The following UNC13C variants were observed in gnomAD, a reference collection of about 807,000 sequenced individuals.
The protein encoded by UNC13C is protein unc-13 homolog C.
UNC13C carries 174 observed loss-of-function variants against 245.4 expected under a neutral mutation model. The ratio of observed to expected loss-of-function variants is 0.71; its 90% CI spans 0.63 to 0.80. The LOEUF is 0.80. Ranked by LOEUF, UNC13C falls within the 30% of genes least tolerant of loss-of-function variation. The pLI, the probability that UNC13C is intolerant of heterozygous loss-of-function variation, is 0.00. For missense variants in UNC13C, 2,829 were observed against 2,602.9 expected, an observed-to-expected ratio of 1.09 and a Z score of -1.89; for synonymous variants, 992 against 895.1, an observed-to-expected ratio of 1.11 and a Z score of -1.93.
chr15:54,486,306 G>A (rs1476050341), intron 19 of UNC13C, among the ~76,000 whole-genome samples: 1 of 143,306 alleles, frequency 7.0e-6, no homozygotes, highest in Non-Finnish European at 1.6e-5. Context: ...GTGTGGTGGC[G>A]GGCGCTTGTA....
the UNC13C span, among the ~76,000 whole-genome samples, chr15:53,902,788 T>C: frequency 2.6e-5 from 4 of 152,084 alleles, no homozygotes; most frequent in East Asian, 3.8e-4. Flanking sequence ...GCTTGGTGAG[T>C]ACTGCATCAA....
chr15:54,116,044 C>T (rs2030220735), intron 2 of UNC13C, among the ~76,000 whole-genome samples: 1 of 152,078 alleles, frequency 6.6e-6, no homozygotes, highest in African/African-American at 2.4e-5. Context: ...CCATCCACAT[C>T]ATTTTAATTA....
chr15:53,915,331 C>A, the UNC13C span, among the ~76,000 whole-genome samples: 2 of 152,162 alleles, frequency 1.3e-5, no homozygotes, highest in Non-Finnish European at 2.9e-5. Flanking sequence ...AAAAGAGAAT[C>A]TTTTAAATGA....
intron 1 of UNC13C, among the ~76,000 whole-genome samples, chr15:53,991,058 T>C (rs1894365310): frequency 1.3e-5 from 2 of 152,160 alleles, no homozygotes; most frequent in Admixed American, 1.3e-4. Context: ...TCATGTATTT[T>C]ATCTACTGGG....
chr15:54,186,836 A>ATATAT (rs1567079825), intron 4 of UNC13C, among the ~76,000 whole-genome samples: 2 of 126,170 alleles, frequency 1.6e-5, no homozygotes, highest in Non-Finnish European at 1.7e-5. Flanking sequence ...CAAAGAACAT[A>ATATAT]ATATATATGT....
intron 17 of UNC13C, among the ~76,000 whole-genome samples, chr15:54,353,919 G>A (rs1361071085): frequency 6.6e-6 from 1 of 152,150 alleles, no homozygotes; most frequent in Non-Finnish European, 1.5e-5. Flanking sequence ...GTTGTCTCCA[G>A]GCCAGGATGA....
the UNC13C span, among the ~76,000 whole-genome samples, chr15:53,963,531 C>T: frequency 7.2e-5 from 11 of 152,084 alleles, 1 homozygote; most frequent in East Asian, 3.9e-4. Flanking sequence ...GGACAATACA[C>T]GTGTAAAGGA....
chr15:54,236,933 C>T (rs1429973471), intron 6 of UNC13C, among the ~76,000 whole-genome samples: 1 of 152,108 alleles, frequency 6.6e-6, no homozygotes, highest in Non-Finnish European at 1.5e-5. Context: ...TGATTTCCAA[C>T]GTTCTCCATA....
chr15:54,270,541 A>G (rs62011967), intron 10 of UNC13C, among the ~76,000 whole-genome samples: 8,038 of 152,264 alleles, frequency 0.053, 240 homozygotes, highest in Admixed American at 0.085. Context: ...TAGCATTAAT[A>G]ACATGATTAT....
intron 10 of UNC13C, among the ~76,000 whole-genome samples, chr15:54,284,684 C>T (rs904125061): frequency 3.9e-5 from 6 of 152,114 alleles, no homozygotes; most frequent in Non-Finnish European, 7.4e-5. Context: ...TCTGCCTGTT[C>T]GCTGATATCT....
intron 4 of UNC13C, among the ~76,000 whole-genome samples, chr15:54,172,030 T>G (rs111262635): frequency 2.0e-5 from 3 of 152,172 alleles, no homozygotes; most frequent in Admixed American, 6.5e-5. Context: ...TTACATGTTC[T>G]CACTTATTTG....
In UNC13C at chr15:54,602,232, C is replaced by T. The variant is rs115094211; in HGVS notation, c.6107-20095C>T. On this transcript the variant is annotated intron_variant, in intron 30 of 32. Coordinates refer to ENST00000260323, the MANE Select transcript of UNC13C (RefSeq NM_001080534.3). The stretch of plus-strand genomic sequence containing the variant: ...GAGGTAGAAGGGGATAACTTTATTT[C>T]GGAAACAATTTAATTACCCTAGTAG... Among the ~76,000 whole-genome samples, 309 of 152,286 alleles carry T rather than the reference C, an allele frequency of 2.0e-3. 4 individuals carry two copies. The highest frequency in any genetic ancestry group is 7.0e-3 in the African/African-American group (289 of 41,544).
At chr15:54,403,384 T>C (rs2040227554) in intron 18 of UNC13C, among the ~76,000 whole-genome samples, 1 of 151,904 alleles carries the variant, frequency 6.6e-6, no homozygotes, top group African/African-American at 2.4e-5. Context: ...TCAGCCTGGG[T>C]GACAGAGCAA....
chr15:54,030,134 A>G lies in UNC13C; in HGVS notation c.2983+14248A>G, dbSNP rs373243223. On this transcript the variant is annotated intron_variant, in intron 2 of 32. Coordinates refer to ENST00000260323, the MANE Select transcript of UNC13C (RefSeq NM_001080534.3). ...TAGGCTTTTTCTCCACCTCTACCTC[A>G]TTCTCCCTGCCCCTCTTCCTGCTTC... Among the ~76,000 whole-genome samples the G allele has an allele frequency of 9.9e-5, 15 of 151,860 alleles. No homozygotes were observed. In the South Asian group the frequency reaches 2.9e-3, roughly 29 times the overall value.
intron 19 of UNC13C, among the ~76,000 whole-genome samples, chr15:54,436,834 GAAAAT>G (rs1412697459): frequency 6.6e-6 from 1 of 151,264 alleles, no homozygotes; most frequent in Non-Finnish European, 1.5e-5. Context: ...GTAAAATTAA[GAAAAT>G]AAAAAGAAAA....
At chr15:54,104,481 A>G (rs10775155) in intron 2 of UNC13C, among the ~76,000 whole-genome samples, 142,436 of 152,130 alleles carry the variant, frequency 0.94, 66,807 homozygotes, top group Non-Finnish European at 0.96. Context: ...GACCTCTAAT[A>G]TTCTTATCTG....
chr15:54,038,113 TA>T (rs1327181521), intron 2 of UNC13C, among the ~76,000 whole-genome samples: 2 of 53,976 alleles, frequency 3.7e-5, no homozygotes, highest in East Asian at 1.2e-3. Context: ...TATATATATA[TA>T]TATATATATA....
At chr15:53,885,614 T>G in the UNC13C span, among the ~76,000 whole-genome samples, 1 of 152,202 alleles carries the variant, frequency 6.6e-6, no homozygotes, top group Non-Finnish European at 1.5e-5. Context: ...AAGGCTCCTA[T>G]GTCACATAAA....
chr15:54,348,229 C>T (rs1329045812), intron 17 of UNC13C, among the ~76,000 whole-genome samples: 4 of 152,010 alleles, frequency 2.6e-5, no homozygotes, highest in East Asian at 1.9e-4. Flanking sequence ...GTAAAAAATT[C>T]GGTATGGTCT....
Sources: allele counts gnomAD v4.1 joint callset (sites outside exome capture counted in the v4.1 genomes callset), GRCh38; gene constraint gnomAD v4.1.1; transcripts MANE v1.5; gene names NCBI Gene and HGNC (gene_info 2026-07-23, HGNC 2026-07-21).